Variants in DENND1C observed in about 807,000 individuals in gnomAD.
DENND1C encodes the protein DENN domain-containing protein 1C.
Under a neutral mutation model 87.9 loss-of-function variants are expected in DENND1C, and 64 were observed. The observed-to-expected ratio is 0.73, with a 90% confidence interval of 0.60 to 0.90. The LOEUF (loss-of-function observed/expected upper bound fraction) is 0.90, where lower values mean the gene tolerates loss of function less well. DENND1C is among the 40% of genes least tolerant of loss of function. The pLI is 0.00. For missense variants in DENND1C, 980 were observed against 1,037.0 expected, an observed-to-expected ratio of 0.95 and a Z score of 0.76; for synonymous variants, 384 against 424.4, an observed-to-expected ratio of 0.90 and a Z score of 1.17.
intron 10 of DENND1C, chr19:6,476,183 T>G: frequency 4.0e-6 from 2 of 502,868 alleles, no homozygotes; most frequent in Non-Finnish European, 7.0e-6. Context: ...GCGCAGTTAA[T>G]AGGCAACACC....
intron 14 of DENND1C, among the ~76,000 whole-genome samples, chr19:6,475,017 C>A (rs778318070): frequency 2.0e-5 from 3 of 151,702 alleles, no homozygotes; most frequent in Non-Finnish European, 4.4e-5. Flanking sequence ...GCCTGGGGAA[C>A]AGAGTGAAAC....
At chr19:6,478,367 T>G (rs1474789373) in intron 6 of DENND1C, among the ~76,000 whole-genome samples, 1 of 151,944 alleles carries the variant, frequency 6.6e-6, no homozygotes, top group African/African-American at 2.4e-5. Flanking sequence ...CCGCAGCCTC[T>G]GAGCAGCTGG....
rs776612939 is a variant in DENND1C at position 6,470,401 on chromosome 19, G to A, written c.1291-35C>T. ...AGAAGATACCAAGGGGGAGAGGCTA[G>A]GGCCAGATCCCACCTCCCCATCCCA... On this transcript the variant is annotated intron_variant, in intron 17 of 22. Coordinates refer to ENST00000381480, the MANE Select transcript of DENND1C (RefSeq NM_024898.4). The A allele has an allele frequency of 1.9e-6, 3 of 1,598,350 alleles. No homozygotes were observed. In the Admixed American group the frequency reaches 5.2e-5, roughly 28 times the overall value.
intron 12 of DENND1C, 48 bp downstream of exon 12, chr19:6,475,658 G>A: frequency 6.2e-7 from 1 of 1,612,218 alleles, no homozygotes; most frequent in Non-Finnish European, 8.5e-7. Flanking sequence ...GGATGTAGAG[G>A]AAGGGGGAAC....
In DENND1C at chr19:6,475,578, C is replaced by T. The variant is rs776822297; in HGVS notation, c.833G>A (p.Arg278Gln). The T allele has an allele frequency of 6.8e-6, 11 of 1,613,870 alleles. No individual in the cohort carries two copies. Among genetic ancestry groups the T allele is most frequent in the Admixed American group, 5.0e-5 (3 of 60,006 alleles). Residue 278 changes from arginine (R) to glutamine (Q), a missense_variant, in exon 13 of 23, where the codon CGA (arginine) becomes CAA (glutamine). Transcript: ENST00000381480. The part of the protein sequence containing the change: ...GVHASLAERV[R>Q]EKALEDVVVL... ...CACGACGTCCTCCAGGGCTTTTTCT[C>T]GTACTCTCTGCGGAAAAGCGGGGTC... is the stretch of plus-strand genomic sequence containing the variant.
intron 1 of DENND1C, 134 bp downstream of exon 1, chr19:6,481,545 A>T: frequency 2.3e-6 from 3 of 1,310,838 alleles, no homozygotes; most frequent in South Asian, 2.7e-5. Context: ...CCCATGGAGT[A>T]TCTGATTCCA....
chr19:6,479,838 G>C, intron 3 of DENND1C, 21 bp downstream of exon 3: 11 of 1,612,746 alleles, frequency 6.8e-6, no homozygotes, highest in Non-Finnish European at 9.3e-6. Flanking sequence ...CCCTGGGGGA[G>C]CAAGGAGCCA....
chr19:6,470,707 C>T (rs199788063), intron 17 of DENND1C, among the ~76,000 whole-genome samples: 1 of 148,456 alleles, frequency 6.7e-6, no homozygotes, highest in African/African-American at 2.5e-5. Flanking sequence ...CTGCAACCTC[C>T]ACCTCCCTGG....
chr19:6,471,136 G>A, intron 17 of DENND1C, 129 bp downstream of exon 17: 1 of 1,296,360 alleles, frequency 7.7e-7, no homozygotes, highest in Non-Finnish European at 1.1e-6. Context: ...AGTAGAGATG[G>A]GGTTTCGTCA....
At chr19:6,480,240 C>T in intron 1 of DENND1C, 189 bp from the exon 2 acceptor site, 4 of 1,453,854 alleles carry the variant, frequency 2.8e-6, no homozygotes, top group Non-Finnish European at 2.7e-6. Flanking sequence ...TAATTGAACA[C>T]ACAAGTACAG....
At chr19:6,477,487 G>A in intron 6 of DENND1C, 29 bp from the exon 7 acceptor site, 1 of 1,583,392 alleles carries the variant, frequency 6.3e-7, no homozygotes, top group Non-Finnish European at 8.7e-7. Flanking sequence ...GGCGGGGGTG[G>A]CTGAGCCAGA....
chr19:6,480,206 G>A lies in DENND1C; in HGVS notation c.18-155C>T, dbSNP rs1046558672. 2.0e-6 allele frequency: 3 copies of A among 1,475,356 alleles called. No homozygotes were observed. In the African/African-American group the frequency reaches 4.2e-5, roughly 21 times the overall value. 91.4% of individuals were successfully genotyped at this position (1,475,356 alleles called of 1,614,324 possible). A position where few individuals can be genotyped will look rare whatever the true frequency, so the allele number is the denominator to read the frequency against. On this transcript the variant is annotated intron_variant, in intron 1 of 22. Coordinates refer to ENST00000381480, the MANE Select transcript of DENND1C (RefSeq NM_024898.4). Reference sequence around the variant, plus strand: ...TTTGTGGCTGTGAGTGTGTGGTTGTGTGAGGCTGTGTGTGCAGCAGTGTTA... The same window carrying A: ...TTTGTGGCTGTGAGTGTGTGGTTGTATGAGGCTGTGTGTGCAGCAGTGTTA...
intron 6 of DENND1C, among the ~76,000 whole-genome samples, chr19:6,478,409 A>ATT (rs36008668): frequency 0.02 from 2,688 of 136,046 alleles, 45 homozygotes; most frequent in Middle Eastern, 0.027. Flanking sequence ...CGGCCGGCTA[A>ATT]TTTTTTTTTT....
intron 14 of DENND1C, 147 bp from the exon 15 acceptor site, chr19:6,473,140 G>C (rs868386768): frequency 1.8e-6 from 1 of 558,124 alleles, no homozygotes; most frequent in Middle Eastern, 4.8e-4. Context: ...GAGGACTTAA[G>C]CTGTTTTTTG....
At chr19:6,470,397 G>T (rs768424409) in intron 17 of DENND1C, 31 bp from the exon 18 acceptor site, 1 of 1,602,054 alleles carries the variant, frequency 6.2e-7, no homozygotes, top group Non-Finnish European at 8.5e-7. Flanking sequence ...AGGGGGAGAG[G>T]CTAGGGCCAG....
intron 14 of DENND1C, among the ~76,000 whole-genome samples, chr19:6,474,460 G>C (rs1226205037): frequency 6.6e-6 from 1 of 152,162 alleles, no homozygotes; most frequent in Non-Finnish European, 1.5e-5. Context: ...CAAGGCCCCG[G>C]CTTCAACATT....
At chr19:6,475,644 C>G in intron 12 of DENND1C, 59 bp from the exon 13 acceptor site, 1 of 1,613,186 alleles carries the variant, frequency 6.2e-7, no homozygotes, top group South Asian at 1.1e-5. Context: ...AGGAGGGCAT[C>G]TGGGGATGTA....
rs934262031 is a variant in DENND1C, at chr19:6,471,296, C to T, written c.1259G>A (p.Arg420Gln). The change falls in exon 17 of 23, where the codon CGA (arginine) becomes CAA (glutamine). Residue 420 changes from arginine to glutamine, a missense_variant. Physicochemically the swap from Arg to Gln is conservative, Grantham distance 43. Transcript: ENST00000381480. ...TGCGASSGALRSYQLWADNLK... is the reference protein window; with the variant it reads ...TGCGASSGALQSYQLWADNLK... Reference sequence around the variant, plus strand: ...ATTGTCGGCCCAGAGCTGATAGGATCGAAGGGCCCCTGGGGTAAGGAGAGA... The same window carrying T: ...ATTGTCGGCCCAGAGCTGATAGGATTGAAGGGCCCCTGGGGTAAGGAGAGA... 9.4e-6 allele frequency: 15 copies of T among 1,597,892 alleles called. No homozygotes were observed. The highest frequency in any genetic ancestry group is 6.8e-5 in the East Asian group (3 of 44,288).
At chr19:6,469,530 T>C in intron 19 of DENND1C, 66 bp downstream of exon 19, 1 of 1,502,098 alleles carries the variant, frequency 6.7e-7, no homozygotes, top group Non-Finnish European at 9.1e-7. Flanking sequence ...GCAATCCTCC[T>C]GCCTCGGCCT....
Sources: allele counts gnomAD v4.1 joint callset (sites outside exome capture counted in the v4.1 genomes callset), GRCh38; gene constraint gnomAD v4.1.1; transcripts MANE v1.5; gene names NCBI Gene and HGNC (gene_info 2026-07-23, HGNC 2026-07-21).